Variants in HCK observed in about 807,000 individuals in gnomAD.
The protein encoded by HCK is tyrosine-protein kinase HCK.
HCK carries 40 observed loss-of-function variants against 70.4 expected under a neutral mutation model. That is an observed-to-expected ratio of 0.57 (90% CI 0.44 to 0.74). The LOEUF (loss-of-function observed/expected upper bound fraction) is 0.74, where lower values mean the gene tolerates loss of function less well. Ranked by LOEUF, HCK falls within the 30% of genes least tolerant of loss-of-function variation. The probability of loss-of-function intolerance (pLI) is 0.00; values close to 1 mark genes in which losing one functional copy is unlikely to be tolerated. For synonymous variants in HCK, 245 were observed against 263.2 expected (o/e 0.93, Z 0.67); for missense variants, 568 against 697.2 (o/e 0.81, Z 2.09).
intron 11 of HCK, among the ~76,000 whole-genome samples, chr20:32,097,909 G>C (rs2045978572): frequency 6.6e-6 from 1 of 152,128 alleles, no homozygotes; most frequent in Non-Finnish European, 1.5e-5. Flanking sequence ...AGGTGCGGTG[G>C]CTCACACCTA....
intron 11 of HCK, among the ~76,000 whole-genome samples, chr20:32,095,959 A>T (rs1193227567): frequency 6.6e-6 from 1 of 151,576 alleles, no homozygotes; most frequent in Admixed American, 6.6e-5. Context: ...GCGCCATCTC[A>T]GCTCACTGCA....
intron 5 of HCK, among the ~76,000 whole-genome samples, chr20:32,074,965 T>C (rs2045600796): frequency 6.6e-6 from 1 of 152,188 alleles, no homozygotes; most frequent in Non-Finnish European, 1.5e-5. Context: ...GAACATGTTT[T>C]ACTAGCAAAA....
chr20:32,055,886 T>G (rs929700450), intron 1 of HCK, among the ~76,000 whole-genome samples: 2 of 152,194 alleles, frequency 1.3e-5, no homozygotes, highest in African/African-American at 2.4e-5. Flanking sequence ...TACGGACTAA[T>G]TTATTCAGGA....
chr20:32,083,917 G>C lies in HCK; in HGVS notation c.556G>C (p.Asp186His). 6.2e-7 allele frequency: 1 copy of C among 1,614,218 alleles called. No homozygotes were observed. The highest frequency in any genetic ancestry group is 1.1e-5 in the South Asian group (1 of 91,086). The change falls in exon 7 of 13, where the codon GAC (aspartate) becomes CAC (histidine). Residue 186 changes from aspartate to histidine, a missense_variant. By Grantham distance (81) the Asp-to-His change is moderately conservative. Coordinates refer to ENST00000375852, the MANE Select transcript of HCK (RefSeq NM_002110.5). ...AGGAAGCTACTCTTTGTCCGTGCGA[G>C]ACTACGACCCTCGGCAGGGAGATAC... is the stretch of plus-strand genomic sequence containing the variant.
At chr20:32,091,792 T>A (rs1456426300) in intron 10 of HCK, among the ~76,000 whole-genome samples, 1 of 148,808 alleles carries the variant, frequency 6.7e-6, no homozygotes, top group African/African-American at 2.5e-5. Flanking sequence ...GGCCACATAG[T>A]GGGACCTCTT....
intron 6 of HCK, among the ~76,000 whole-genome samples, chr20:32,080,449 G>A (rs763328887): frequency 2.6e-5 from 4 of 152,042 alleles, no homozygotes; most frequent in East Asian, 1.9e-4. Flanking sequence ...CACCCCTCTT[G>A]CCCTCCCAAA....
At position 32,084,437 on chromosome 20, in the gene HCK, T is replaced by C. The variant is rs766758121; in HGVS notation, c.729T>C (p.Ser243=). 6.2e-7 allele frequency: 1 copy of C among 1,614,090 alleles called. No individual in the cohort carries two copies. Among genetic ancestry groups the C allele is most frequent in the Non-Finnish European group, 8.5e-7 (1 of 1,179,986 alleles). Residue 243 remains serine (S), a synonymous_variant, in exon 8 of 13, where the codon TCT becomes TCC. Transcript: ENST00000375852. Reference sequence around the variant, plus strand: ...AGAAACTGTCGGTGCCCTGCATGTCTTCCAAGCCCCAGAAGCCTTGGGAGA... The same window carrying C: ...AGAAACTGTCGGTGCCCTGCATGTCCTCCAAGCCCCAGAAGCCTTGGGAGA...
chr20:32,084,309 A>C, intron 7 of HCK, 82 bp from the exon 8 acceptor site: 1 of 1,424,722 alleles, frequency 7.0e-7, no homozygotes. Flanking sequence ...GATCCAGTGG[A>C]CCAGGTAGGG....
At chr20:32,067,667 C>T (rs1180275739) in intron 1 of HCK, among the ~76,000 whole-genome samples, 1 of 150,928 alleles carries the variant, frequency 6.6e-6, no homozygotes, top group African/African-American at 2.4e-5. Context: ...CCAGGAGACA[C>T]TGGGCTAAGC....
At position 32,101,427 on chromosome 20, in the gene HCK, C is replaced by T. The variant is rs759226436; in HGVS notation, c.1489C>T (p.Arg497Cys). Residue 497 changes from arginine (R) to cysteine (C), a missense_variant, in exon 13 of 13, where the codon CGT (arginine) becomes TGT (cysteine). Physicochemically the swap from Arg to Cys is radical, Grantham distance 180. Coordinates refer to ENST00000375852, the MANE Select transcript of HCK (RefSeq NM_002110.5). ...CATCATGATGCGCTGCTGGAAAAAC[C>T]GTCCGGAGGAGCGGCCGACCTTCGA... 3 of 1,614,196 alleles carry T rather than the reference C, an allele frequency of 1.9e-6. No homozygotes were observed. Among genetic ancestry groups the T allele is most frequent in the African/African-American group, 1.3e-5 (1 of 75,054 alleles).
chr20:32,073,389 A>G, intron 3 of HCK, 28 bp downstream of exon 3: 1 of 1,600,368 alleles, frequency 6.2e-7, no homozygotes, highest in African/African-American at 1.3e-5. Context: ...GATGCAGTGG[A>G]GTCATGTGTC....
At chr20:32,073,629 G>A (rs988884449) in intron 3 of HCK, 87 bp from the exon 4 acceptor site, 5 of 851,650 alleles carry the variant, frequency 5.9e-6, no homozygotes, top group Admixed American at 2.0e-5. Flanking sequence ...GATGGGTGCG[G>A]AGCTGTTCCA....
chr20:32,101,172 T>G, intron 12 of HCK, 145 bp from the exon 13 acceptor site: 1 of 705,552 alleles, frequency 1.4e-6, no homozygotes. Flanking sequence ...AAGCTGAGGG[T>G]GGAAGTCTGT....
At position 32,059,310 on chromosome 20, in the gene HCK, T is replaced by C. The variant is rs375001341; in HGVS notation, c.62+6824T>C. Among the ~76,000 whole-genome samples the C allele has an allele frequency of 2.7e-5, 4 of 150,794 alleles. No homozygotes were observed. In the East Asian group the frequency reaches 5.9e-4, roughly 22 times the overall value. ...TTCCTTCCTTCCCTCCCTCCCTCCT[T>C]TCTTTTCTTTTCTTTCTTCTTTCCC... On this transcript the variant is annotated intron_variant, in intron 1 of 12. Coordinates refer to ENST00000375852, the MANE Select transcript of HCK (RefSeq NM_002110.5).
rs1202793890 is a variant in HCK at position 32,101,666 on chromosome 20, G to T, written c.*147G>T. On this transcript the variant is annotated 3_prime_UTR_variant, in exon 13 of 13. Coordinates refer to ENST00000375852, the MANE Select transcript of HCK (RefSeq NM_002110.5). ...AGTTTCCTCATCTGTCCAGTGGGTA[G>T]GTTGGACTGGAAAATCTCTTTTTGA... is the stretch of plus-strand genomic sequence containing the variant. 3.4e-6 allele frequency: 2 copies of T among 588,464 alleles called. No individual in the cohort carries two copies. The highest frequency in any genetic ancestry group is 5.9e-6 in the Non-Finnish European group (2 of 340,154). 36.5% of individuals were successfully genotyped at this position (588,464 alleles called of 1,614,324 possible).
chr20:32,058,212 A>G (rs1291463827), intron 1 of HCK, among the ~76,000 whole-genome samples: 1 of 112,992 alleles, frequency 8.9e-6, no homozygotes, highest in African/African-American at 3.5e-5. Context: ...TCCCTTTCTG[A>G]GCCTCAGTTC....
intron 1 of HCK, among the ~76,000 whole-genome samples, chr20:32,061,477 C>T (rs1339682110): frequency 6.6e-6 from 1 of 152,220 alleles, no homozygotes; most frequent in East Asian, 1.9e-4. Context: ...TCCAGTCGTA[C>T]TCCTGCAGTT....
intron 5 of HCK, 30 bp downstream of exon 5, chr20:32,074,751 A>G: frequency 6.6e-7 from 1 of 1,525,562 alleles, no homozygotes; most frequent in Non-Finnish European, 9.1e-7. Context: ...CCTTCCAGAA[A>G]GAGGCATGAG....
chr20:32,098,958 CA>C, intron 11 of HCK, 45 bp from the exon 12 acceptor site: 1 of 1,599,972 alleles, frequency 6.3e-7, no homozygotes, highest in Non-Finnish European at 8.5e-7. Context: ...AGCCAACCCT[CA>C]CTACTCCCCA....
Sources: gnomAD v4.1 joint callset for allele counts (sites outside exome capture counted in the v4.1 genomes callset) on GRCh38, gnomAD v4.1.1 for gene constraint, MANE v1.5 for transcripts, NCBI Gene and HGNC (gene_info 2026-07-23, HGNC 2026-07-21) for gene names.